The following PALLD variants were observed in gnomAD, a reference collection of about 807,000 sequenced individuals.
PALLD encodes the protein palladin, cytoskeletal associated protein.
PALLD carries 61 observed loss-of-function variants against 123.5 expected under a neutral mutation model. The ratio of observed to expected loss-of-function variants is 0.49; its 90% CI spans 0.40 to 0.61. The LOEUF is 0.61. Ranked by LOEUF, PALLD falls within the 20% of genes least tolerant of loss-of-function variation. PALLD has a pLI of 0.00. For missense variants in PALLD, 1,273 were observed against 1,377.0 expected (o/e 0.92, Z 1.20); for synonymous variants, 465 against 496.4 (o/e 0.94, Z 0.84).
At position 168,735,153 on chromosome 4, in the gene PALLD, T is replaced by C. The variant is rs1184072018; in HGVS notation, c.1964+23230T>C. Among the ~76,000 whole-genome samples the C allele has an allele frequency of 3.3e-5, 5 of 152,158 alleles. No individual in the cohort carries two copies. The East Asian group carries it at 9.6e-4, about 29-fold the overall frequency. The stretch of plus-strand genomic sequence containing the variant: ...GTTTGCCCCCTAAACAATGTCTTAC[T>C]CCTATACAATCAGCACGGCCACTGA... On this transcript the variant is annotated intron_variant, in intron 10 of 21. Coordinates refer to ENST00000505667, the MANE Select transcript of PALLD (RefSeq NM_001166108.2).
chr4:168,529,728 G>T (rs1308778873), intron 2 of PALLD, among the ~76,000 whole-genome samples: 1 of 152,070 alleles, frequency 6.6e-6, no homozygotes, highest in East Asian at 1.9e-4. Context: ...AAATAAAGCT[G>T]TTATAATTTT....
At chr4:168,622,300 G>A (rs1561314717) in intron 2 of PALLD, among the ~76,000 whole-genome samples, 1 of 152,230 alleles carries the variant, frequency 6.6e-6, no homozygotes, top group East Asian at 1.9e-4. Flanking sequence ...AATCACGAGG[G>A]TGCTTTTCTT....
At chr4:168,516,199 C>T (rs560056201) in intron 2 of PALLD, among the ~76,000 whole-genome samples, 44 of 152,314 alleles carry the variant, frequency 2.9e-4, no homozygotes, top group African/African-American at 9.6e-4. Context: ...GTAGTATTCA[C>T]ATGATATGCA....
chr4:168,609,345 CAAAAA>C (rs5863949), intron 2 of PALLD, among the ~76,000 whole-genome samples: 1 of 71,600 alleles, frequency 1.4e-5, no homozygotes, highest in Non-Finnish European at 2.5e-5. Flanking sequence ...AAGCTGTTAC[CAAAAA>C]AAAAAAAAAA....
At chr4:168,593,726 T>A (rs1771690429) in intron 2 of PALLD, among the ~76,000 whole-genome samples, 1 of 152,220 alleles carries the variant, frequency 6.6e-6, no homozygotes, top group South Asian at 2.1e-4. Context: ...GACGGTCAGA[T>A]GTTTAGAACC....
chr4:168,757,373 G>A (rs950787840), intron 10 of PALLD, among the ~76,000 whole-genome samples: 1 of 152,222 alleles, frequency 6.6e-6, no homozygotes, highest in Non-Finnish European at 1.5e-5. Context: ...CATTACTCGG[G>A]TTGTTGATGT....
At chr4:168,556,809 C>T (rs936138399) in intron 2 of PALLD, among the ~76,000 whole-genome samples, 1 of 152,150 alleles carries the variant, frequency 6.6e-6, no homozygotes, top group Non-Finnish European at 1.5e-5. Context: ...GGGGCTGCCC[C>T]GATGTCTCTT....
At chr4:168,728,953 A>T (rs1273043210) in intron 10 of PALLD, among the ~76,000 whole-genome samples, 3 of 152,132 alleles carry the variant, frequency 2.0e-5, no homozygotes, top group Non-Finnish European at 4.4e-5. Context: ...TGCTCTGGCT[A>T]GGACATCTGT....
intron 2 of PALLD, among the ~76,000 whole-genome samples, chr4:168,535,131 A>G (rs1764977507): frequency 6.6e-6 from 1 of 152,188 alleles, no homozygotes; most frequent in Non-Finnish European, 1.5e-5. Context: ...TTATGCAAAT[A>G]CTACATCATT....
At chr4:168,781,382 C>T (rs1735902225) in intron 10 of PALLD, among the ~76,000 whole-genome samples, 1 of 152,202 alleles carries the variant, frequency 6.6e-6, no homozygotes, top group Admixed American at 6.5e-5. Flanking sequence ...AAAGGGCAAA[C>T]CAGGAGCCAG....
At chr4:168,656,801 G>A (rs990497127) in intron 2 of PALLD, among the ~76,000 whole-genome samples, 8 of 152,156 alleles carry the variant, frequency 5.3e-5, no homozygotes, top group South Asian at 2.1e-4. Flanking sequence ...TCAAGGATAC[G>A]TGAGAGATTA....
At chr4:168,664,239 T>C (rs886315233) in intron 2 of PALLD, among the ~76,000 whole-genome samples, 1 of 151,584 alleles carries the variant, frequency 6.6e-6, no homozygotes, top group Non-Finnish European at 1.5e-5. Context: ...ATTTGTACTT[T>C]AAAAAAATAA....
chr4:168,624,532 T>G (rs1775056537), intron 2 of PALLD, among the ~76,000 whole-genome samples: 1 of 152,012 alleles, frequency 6.6e-6, no homozygotes, highest in Admixed American at 6.6e-5. Context: ...TCCATTAAAA[T>G]AAAAAATAAG....
At chr4:168,606,869 T>A (rs114278088) in intron 2 of PALLD, among the ~76,000 whole-genome samples, 1 of 152,172 alleles carries the variant, frequency 6.6e-6, no homozygotes, top group South Asian at 2.1e-4. Context: ...ACATGGCCCC[T>A]AGGCCTTCCT....
intron 2 of PALLD, among the ~76,000 whole-genome samples, chr4:168,539,770 C>G (rs1363035665): frequency 6.6e-6 from 1 of 151,982 alleles, no homozygotes; most frequent in Non-Finnish European, 1.5e-5. Flanking sequence ...TAAAACACAG[C>G]TGCATATAAT....
intron 2 of PALLD, among the ~76,000 whole-genome samples, chr4:168,641,887 A>G (rs1776984257): frequency 6.6e-6 from 1 of 152,232 alleles, no homozygotes; most frequent in Non-Finnish European, 1.5e-5. Flanking sequence ...AACTAAGTTT[A>G]CAATCTATTG....
At chr4:168,895,414 C>T (rs2093736696) in intron 12 of PALLD, among the ~76,000 whole-genome samples, 1 of 152,174 alleles carries the variant, frequency 6.6e-6, no homozygotes, top group African/African-American at 2.4e-5. Flanking sequence ...ACATATACGA[C>T]TTTTGACTCT....
intron 1 of PALLD, among the ~76,000 whole-genome samples, chr4:168,501,705 C>G (rs1761424343): frequency 6.6e-6 from 1 of 152,140 alleles, no homozygotes. Flanking sequence ...GGTGACATGG[C>G]AGCTGCCCCC....
chr4:168,733,880 G>A (rs1330896988), intron 10 of PALLD, among the ~76,000 whole-genome samples: 11 of 152,062 alleles, frequency 7.2e-5, no homozygotes, highest in Non-Finnish European at 1.2e-4. Flanking sequence ...GACTACAGGC[G>A]CCCGCCACCG....
Sources: gnomAD v4.1 joint callset for allele counts (sites outside exome capture counted in the v4.1 genomes callset) on GRCh38, gnomAD v4.1.1 for gene constraint, MANE v1.5 for transcripts, NCBI Gene and HGNC (gene_info 2026-07-23, HGNC 2026-07-21) for gene names.